The following CNTN1 variants were observed in gnomAD, a reference collection of about 807,000 sequenced individuals.
CNTN1 encodes the protein contactin 1.
A neutral mutation model predicts 126.4 loss-of-function variants in CNTN1; 38 were observed. The ratio of observed to expected loss-of-function variants is 0.30; its 90% confidence interval spans 0.23 to 0.39. CNTN1 has a LOEUF of 0.39. CNTN1 is among the 10% of genes least tolerant of loss of function. The pLI is 1.00. For missense variants in CNTN1, 1,009 were observed against 1,248.4 expected (o/e 0.81, Z 2.89); for synonymous variants, 413 against 422.6 (o/e 0.98, Z 0.28).
In CNTN1 at chr12:40,943,625, G is replaced by C; in HGVS notation, c.1408G>C (p.Glu470Gln). 3 of 1,596,552 alleles carry C rather than the reference G, an allele frequency of 1.9e-6. No individual in the cohort carries two copies. Among genetic ancestry groups the C allele is most frequent in the Non-Finnish European group, 2.6e-6 (3 of 1,164,422 alleles). ...ACTCATTTGGGAAGATGGTAGCTTG[G>C]AAATCAACAACATTACAAGGAATGA... The part of the protein sequence containing the change: ...RILIWEDGSL[E>Q]INNITRNDGG... Residue 470 changes from glutamate (E) to glutamine (Q), a missense_variant, in exon 13 of 24, where the codon GAA (glutamate) becomes CAA (glutamine). Coordinates refer to ENST00000551295, the MANE Select transcript of CNTN1 (RefSeq NM_001843.4).
chr12:41,036,642 C>T (rs986350650), intron 23 of CNTN1, among the ~76,000 whole-genome samples: 7 of 152,024 alleles, frequency 4.6e-5, no homozygotes, highest in Admixed American at 3.3e-4. Context: ...TTAATATAAC[C>T]TAATCACCAA....
chr12:40,995,544 A>G (rs1241955586), intron 17 of CNTN1, among the ~76,000 whole-genome samples: 1 of 152,184 alleles, frequency 6.6e-6, no homozygotes, highest in Admixed American at 6.5e-5. Flanking sequence ...AAACCAACTT[A>G]TTTTTGTCAT....
intron 1 of CNTN1, among the ~76,000 whole-genome samples, chr12:40,867,202 G>A (rs903792258): frequency 2.5e-4 from 38 of 152,240 alleles, no homozygotes; most frequent in Middle Eastern, 3.4e-3. Flanking sequence ...CTCAAGTCAG[G>A]AAATGCATCC....
intron 1 of CNTN1, among the ~76,000 whole-genome samples, chr12:40,744,489 G>C (rs1326136629): frequency 6.6e-6 from 1 of 151,996 alleles, no homozygotes; most frequent in East Asian, 1.9e-4. Context: ...TAGCATGGTA[G>C]CATAAAATGC....
At position 40,915,480 on chromosome 12, in the gene CNTN1, T is replaced by C. The variant is rs186334666; in HGVS notation, c.95-3159T>C. Among the ~76,000 whole-genome samples, 218 of 152,274 alleles carry C rather than the reference T, an allele frequency of 1.4e-3. 4 individuals carry two copies. The highest frequency in any genetic ancestry group is 0.012 in the Admixed American group (186 of 15,292). On this transcript the variant is annotated intron_variant, in intron 3 of 23. Transcript: ENST00000551295. ...GAAGTACAATTGTGTAACTGGTCTT[T>C]ATTAATGTAAGCCTGTACCTCTTTG...
chr12:40,892,339 T>C (rs1944267601), intron 1 of CNTN1, among the ~76,000 whole-genome samples: 1 of 152,062 alleles, frequency 6.6e-6, no homozygotes, highest in Non-Finnish European at 1.5e-5. Flanking sequence ...ATGGATTTTG[T>C]TTGTTTGTTT....
chr12:40,993,035 C>A, intron 16 of CNTN1, 85 bp from the exon 17 acceptor site: 1 of 1,251,936 alleles, frequency 8.0e-7, no homozygotes, highest in East Asian at 2.3e-5. Context: ...TACCATTCTC[C>A]CTGAAATAGT....
At chr12:41,024,520 G>C (rs915014423) in intron 20 of CNTN1, among the ~76,000 whole-genome samples, 1 of 151,868 alleles carries the variant, frequency 6.6e-6, no homozygotes, top group Admixed American at 6.6e-5. Context: ...TGAAAAAATC[G>C]ATAACTTTTT....
chr12:40,991,576 T>TC (rs1948096188), intron 16 of CNTN1, among the ~76,000 whole-genome samples: 1 of 152,164 alleles, frequency 6.6e-6, no homozygotes, highest in Non-Finnish European at 1.5e-5. Flanking sequence ...ACGCCTGTAA[T>TC]CCCAGGACTT....
chr12:40,716,234 GTCTC>G (rs916972890), intron 1 of CNTN1, among the ~76,000 whole-genome samples: 1 of 150,598 alleles, frequency 6.6e-6, no homozygotes, highest in African/African-American at 2.4e-5. Context: ...CTCTCTCTGT[GTCTC>G]TCTCTCTCCT....
intron 1 of CNTN1, among the ~76,000 whole-genome samples, chr12:40,887,359 G>C (rs1489581831): frequency 1.3e-5 from 2 of 152,112 alleles, no homozygotes; most frequent in Non-Finnish European, 2.9e-5. Flanking sequence ...CGAAGGATGT[G>C]AACAGACACT....
At chr12:40,743,956 GA>G (rs1938057569) in intron 1 of CNTN1, among the ~76,000 whole-genome samples, 1 of 151,994 alleles carries the variant, frequency 6.6e-6, no homozygotes, top group Non-Finnish European at 1.5e-5. Context: ...ACGCAGCCAT[GA>G]AAAAGAATGG....
chr12:41,070,258 C>A lies in CNTN1; in HGVS notation c.*223C>A. The A allele has an allele frequency of 1.7e-6, 1 of 575,980 alleles. No individual in the cohort carries two copies. The highest frequency in any genetic ancestry group is 2.9e-5 in the Admixed American group (1 of 34,632). 35.7% of individuals were successfully genotyped at this position (575,980 alleles called of 1,614,324 possible). A position where few individuals can be genotyped will look rare whatever the true frequency, so the allele number is the denominator to read the frequency against. On this transcript the variant is annotated 3_prime_UTR_variant, in exon 24 of 24. Coordinates refer to ENST00000551295, the MANE Select transcript of CNTN1 (RefSeq NM_001843.4). The stretch of plus-strand genomic sequence containing the variant: ...AAATGGATATAAATGATTTTTAACT[C>A]GTTCCAATATGCCTTATAAACCACT...
rs17129022 is a variant in CNTN1 at position 41,070,245 on chromosome 12, A to G, written c.*210A>G. The G allele has an allele frequency of 0.011, 6,762 of 593,668 alleles. 47 individuals carry two copies. Among genetic ancestry groups the G allele is most frequent in the Middle Eastern group, 0.027 (59 of 2,176 alleles). The allele number at this position is 593,668 out of a possible 1,614,324, so 36.8% of individuals were successfully genotyped here. A position where few individuals can be genotyped will look rare whatever the true frequency, so the allele number is the denominator to read the frequency against. On this transcript the variant is annotated 3_prime_UTR_variant, in exon 24 of 24. Coordinates refer to ENST00000551295, the MANE Select transcript of CNTN1 (RefSeq NM_001843.4). ...AGAATAAACTTTTAAATGGATATAA[A>G]TGATTTTTAACTCGTTCCAATATGC...
intron 1 of CNTN1, among the ~76,000 whole-genome samples, chr12:40,703,455 G>A (rs1020845529): frequency 6.6e-6 from 1 of 152,134 alleles, no homozygotes; most frequent in African/African-American, 2.4e-5. Flanking sequence ...TAGTAGATAC[G>A]TAATTTTGGA....
At chr12:40,705,351 C>T (rs1228762303) in intron 1 of CNTN1, among the ~76,000 whole-genome samples, 1 of 152,170 alleles carries the variant, frequency 6.6e-6, no homozygotes, top group African/African-American at 2.4e-5. Flanking sequence ...TTGCCATAGA[C>T]CTTCTGCTCA....
intron 1 of CNTN1, among the ~76,000 whole-genome samples, chr12:40,781,906 T>C (rs771640861): frequency 6.6e-6 from 1 of 152,044 alleles, no homozygotes; most frequent in Non-Finnish European, 1.5e-5. Flanking sequence ...GAATACAATG[T>C]TAATTATCAA....
intron 3 of CNTN1, among the ~76,000 whole-genome samples, chr12:40,913,616 A>G (rs574258998): frequency 5.8e-4 from 88 of 152,336 alleles, no homozygotes; most frequent in African/African-American, 2.0e-3. Context: ...TAAAATGAAT[A>G]CAAATATCTC....
intron 23 of CNTN1, among the ~76,000 whole-genome samples, chr12:41,038,439 T>C (rs1285560308): frequency 2.0e-5 from 3 of 152,108 alleles, no homozygotes; most frequent in Admixed American, 2.0e-4. Context: ...TGTCTTCCCA[T>C]GGCCTTCCCT....
Sources: gnomAD v4.1 joint callset for allele counts (sites outside exome capture counted in the v4.1 genomes callset) on GRCh38, gnomAD v4.1.1 for gene constraint, MANE v1.5 for transcripts, NCBI Gene and HGNC (gene_info 2026-07-23, HGNC 2026-07-21) for gene names.